DOT1L: variants seen among roughly 807,000 people sequenced by gnomAD.
DOT1L encodes DOT1 like histone lysine methyltransferase.
DOT1L carries 33 observed loss-of-function variants against 153.3 expected under a neutral mutation model. The ratio of observed to expected loss-of-function variants is 0.22; its 90% CI spans 0.16 to 0.29. The LOEUF (loss-of-function observed/expected upper bound fraction) is 0.29, where lower values mean the gene tolerates loss of function less well. DOT1L is among the 10% of genes least tolerant of loss of function. The pLI, the probability that DOT1L is intolerant of heterozygous loss-of-function variation, is 1.00. For missense variants in DOT1L, 1,847 were observed against 2,119.9 expected (o/e 0.87, Z 2.53); for synonymous variants, 1,135 against 965.1 (o/e 1.18, Z -3.26).
intron 19 of DOT1L, 118 bp downstream of exon 19, chr19:2,214,714 G>C (rs958516425): frequency 4.9e-6 from 7 of 1,432,490 alleles, no homozygotes; most frequent in Non-Finnish European, 6.5e-6. Flanking sequence ...AGGTGGAGGA[G>C]GACAGTTGGG....
At position 2,193,858 on chromosome 19, in the gene DOT1L, C is replaced by A; in HGVS notation, c.588+75C>A. Reference sequence around the variant, plus strand: ...GAAAGTGACGCCCTGGGTGCCTGCACCCCACTGCTGTGGGACTTCCGAGTC... The same window carrying A: ...GAAAGTGACGCCCTGGGTGCCTGCAACCCACTGCTGTGGGACTTCCGAGTC... On this transcript the variant is annotated intron_variant, in intron 6 of 27. Transcript: ENST00000398665. This position sits in a 1 kb window ranked among gnomAD's most constrained non-coding sequence, Gnocchi z 5.9. 6.8e-7 allele frequency: 1 copy of A among 1,476,996 alleles called. No homozygotes were observed. Among genetic ancestry groups the A allele is most frequent in the East Asian group, 2.3e-5 (1 of 43,716 alleles). 91.5% of individuals were successfully genotyped at this position (1,476,996 alleles called of 1,614,324 possible). A position where few individuals can be genotyped will look rare whatever the true frequency, so the allele number is the denominator to read the frequency against.
Position 2,191,423 on chromosome 19 carries a change from C to G in DOT1L, c.493+183C>G. 1.5e-6 allele frequency: 1 copy of G among 655,104 alleles called. No individual in the cohort carries two copies. The highest frequency in any genetic ancestry group is 2.6e-6 in the Non-Finnish European group (1 of 382,324). The allele number at this position is 655,104 out of a possible 1,614,324, so 40.6% of individuals were successfully genotyped here. ...TCCTTTCCCCAGCCCTGACCGGGCT[C>G]CACCCAGAGGGGAGAAATCGCAGGA... On this transcript the variant is annotated intron_variant, in intron 5 of 27. Coordinates refer to ENST00000398665, the MANE Select transcript of DOT1L (RefSeq NM_032482.3). This position sits in a 1 kb window ranked among gnomAD's most constrained non-coding sequence, Gnocchi z 6.8.
rs2023947270 is a variant in DOT1L, at chr19:2,217,355, G to T, written c.2544+265G>T. 6.6e-6 allele frequency among the ~76,000 whole-genome samples: 1 copy of T among 152,144 alleles called. No individual in the cohort carries two copies. The highest frequency in any genetic ancestry group is 1.9e-4 in the East Asian group (1 of 5,174). The stretch of plus-strand genomic sequence containing the variant: ...TTCTCAGTGACGGACGGCAAGTGCT[G>T]GTAGAGACACAGAGCCCAGTTTGGG... On this transcript the variant is annotated intron_variant, in intron 21 of 27. Transcript: ENST00000398665. This position sits in a 1 kb window ranked among gnomAD's most constrained non-coding sequence, Gnocchi z 7.3.
At chr19:2,170,364 G>A (rs773355854) in intron 1 of DOT1L, among the ~76,000 whole-genome samples, 3 of 152,148 alleles carry the variant, frequency 2.0e-5, no homozygotes, top group Non-Finnish European at 2.9e-5. Flanking sequence ...CATTTTGCAT[G>A]CCTCACTGGG....
intron 1 of DOT1L, among the ~76,000 whole-genome samples, chr19:2,165,952 A>G (rs999429263): frequency 2.0e-4 from 31 of 151,266 alleles, no homozygotes; most frequent in Non-Finnish European, 3.5e-4. Context: ...TTGTGTTTTT[A>G]GTAGAGACGG....
intron 7 of DOT1L, 47 bp downstream of exon 7, chr19:2,194,624 C>G (rs373829536): frequency 6.3e-7 from 1 of 1,580,930 alleles, no homozygotes. Context: ...GCCCCACCCC[C>G]GCTCCCACCC....
Position 2,229,816 on chromosome 19 carries a change from C to G in DOT1L, c.*24C>G. The G allele has an allele frequency of 6.2e-7, 1 of 1,613,190 alleles. No individual in the cohort carries two copies. The highest frequency in any genetic ancestry group is 8.5e-7 in the Non-Finnish European group (1 of 1,179,930). On this transcript the variant is annotated 3_prime_UTR_variant, in exon 28 of 28. Transcript: ENST00000398665. ...AGGATTTCTACCTCAACCGCGAGAC[C>G]TATGCAAGGACGGTGTGGACCAACT...
At chr19:2,228,039 T>C in intron 27 of DOT1L, 2 of 1,289,322 alleles carry the variant, frequency 1.6e-6, no homozygotes, top group South Asian at 2.5e-5. Flanking sequence ...GCTGCTGGCC[T>C]CTAACCCTGA....
chr19:2,226,709 G>C lies in DOT1L; in HGVS notation c.4188G>C (p.Leu1396=). 4.5e-6 allele frequency: 7 copies of C among 1,567,234 alleles called. No individual in the cohort carries two copies. Among genetic ancestry groups the C allele is most frequent in the Non-Finnish European group, 6.0e-6 (7 of 1,161,152 alleles). ...GKEAGEGGLP[L]CGPTDKTPLL... ...AGGCAGGGGAGGGCGGCCTACCGCTGTGCGGGCCCACGGACAAGACCCCAC... is the reference window on the plus strand; with the variant it reads ...AGGCAGGGGAGGGCGGCCTACCGCTCTGCGGGCCCACGGACAAGACCCCAC... The change falls in exon 27 of 28, where the codon CTG becomes CTC. Residue 1396 remains leucine (L), a synonymous_variant. Coordinates refer to ENST00000398665, the MANE Select transcript of DOT1L (RefSeq NM_032482.3).
intron 3 of DOT1L, among the ~76,000 whole-genome samples, chr19:2,187,328 C>CT (rs1568337114): frequency 1.3e-5 from 2 of 152,248 alleles, no homozygotes; most frequent in East Asian, 3.8e-4. Flanking sequence ...GAGCAGCGAG[C>CT]GTGTCAGACG....
At chr19:2,179,654 A>C (rs1483233481) in intron 1 of DOT1L, among the ~76,000 whole-genome samples, 1 of 152,172 alleles carries the variant, frequency 6.6e-6, no homozygotes, top group Non-Finnish European at 1.5e-5. Context: ...CCAAAAATAC[A>C]AAGTTAGCCA....
chr19:2,211,269 G>A, intron 15 of DOT1L, 57 bp downstream of exon 15: 3 of 1,464,768 alleles, frequency 2.0e-6, no homozygotes, highest in South Asian at 2.5e-5. Flanking sequence ...ATCCCAGGAG[G>A]ACCGTGGGTT....
intron 7 of DOT1L, among the ~76,000 whole-genome samples, chr19:2,199,581 G>C (rs978335223): frequency 6.6e-6 from 1 of 152,222 alleles, no homozygotes; most frequent in Admixed American, 6.5e-5. Flanking sequence ...CTGCAGCGTG[G>C]CTTGCAGGTG....
chr19:2,170,577 C>T (rs2021561565), intron 1 of DOT1L, among the ~76,000 whole-genome samples: 1 of 152,152 alleles, frequency 6.6e-6, no homozygotes, highest in Non-Finnish European at 1.5e-5. Flanking sequence ...GACACAGGCT[C>T]AGATCCCACG....
chr19:2,223,951 T>G (rs1033038098), intron 25 of DOT1L, among the ~76,000 whole-genome samples: 1 of 152,124 alleles, frequency 6.6e-6, no homozygotes, highest in African/African-American at 2.4e-5. Flanking sequence ...AATCTCATCA[T>G]CCCCTTGAAA....
chr19:2,211,994 G>A (rs929023206), intron 16 of DOT1L, 152 bp downstream of exon 16: 25 of 669,588 alleles, frequency 3.7e-5, no homozygotes, highest in East Asian at 2.9e-5. Flanking sequence ...AAACCTACCC[G>A]TTTAAACCCA....
rs776745719 is a variant in DOT1L, at chr19:2,202,796, G to T, written c.787+17G>T. ...TGAAGGAAGGTAAGGCGCCCTCCTC[G>T]CCGGTCTGTGCTGGTGTGACATGAT... On this transcript the variant is annotated intron_variant, in intron 9 of 27. Transcript: ENST00000398665. 2.4e-5 allele frequency: 38 copies of T among 1,613,932 alleles called. No individual in the cohort carries two copies. The highest frequency in any genetic ancestry group is 3.0e-5 in the Non-Finnish European group (35 of 1,179,906).
chr19:2,211,703 TCA>T, intron 15 of DOT1L, 46 bp from the exon 16 acceptor site: 4 of 1,495,768 alleles, frequency 2.7e-6, no homozygotes, highest in Non-Finnish European at 3.6e-6. Flanking sequence ...CTCTTCCCTC[TCA>T]GTCTCAGCTG....
At position 2,220,672 on chromosome 19, in the gene DOT1L, C is replaced by T. The variant is rs762515044; in HGVS notation, c.2806+450C>T. On this transcript the variant is annotated intron_variant, in intron 23 of 27. Transcript: ENST00000398665. This position sits in a 1 kb window ranked among gnomAD's most constrained non-coding sequence, Gnocchi z 4.5. Reference sequence around the variant, plus strand: ...GCAGTCTCTGCTGTTAGCCCAGTTTCTGCAGAGAGCCAGAGAGGATGCCAC... The same window carrying T: ...GCAGTCTCTGCTGTTAGCCCAGTTTTTGCAGAGAGCCAGAGAGGATGCCAC... The T allele has an allele frequency of 6.3e-5, 24 of 380,884 alleles. No homozygotes were observed. The highest frequency in any genetic ancestry group is 3.7e-5 in the Non-Finnish European group (7 of 189,862). 23.6% of individuals were successfully genotyped at this position (380,884 alleles called of 1,614,324 possible). A position where few individuals can be genotyped will look rare whatever the true frequency, so the allele number is the denominator to read the frequency against.
Sources: allele counts gnomAD v4.1 joint callset (sites outside exome capture counted in the v4.1 genomes callset), GRCh38; gene constraint gnomAD v4.1.1; non-coding constraint Gnocchi (gnomAD v3.1); transcripts MANE v1.5; gene names NCBI Gene and HGNC (gene_info 2026-07-23, HGNC 2026-07-21).